Variants in PRKN observed in about 807,000 individuals in gnomAD.
PRKN encodes the protein parkin RBR E3 ubiquitin protein ligase.
A neutral mutation model predicts 59.5 loss-of-function variants in PRKN; 56 were observed. The observed-to-expected ratio is 0.94, with a 90% CI of 0.76 to 1.18. PRKN has a LOEUF of 1.18. Among genes scored for constraint, PRKN ranks in the 50% most tolerant of loss-of-function variants. PRKN has a pLI of 0.00. For synonymous variants in PRKN, 250 were observed against 222.1 expected (o/e 1.13, Z -1.12); for missense variants, 657 against 596.4 (o/e 1.10, Z -1.06).
At chr6:161,930,926 A>G (rs1279430326) in intron 6 of PRKN, among the ~76,000 whole-genome samples, 1 of 152,226 alleles carries the variant, frequency 6.6e-6, no homozygotes, top group African/African-American at 2.4e-5. Context: ...TGGAAAGCAC[A>G]AGGAAATGGA....
intron 4 of PRKN, among the ~76,000 whole-genome samples, chr6:162,182,908 G>C (rs2128323590): frequency 6.6e-6 from 1 of 152,136 alleles, no homozygotes. Context: ...CTAAAGTTTT[G>C]TGAAAACTGC....
In PRKN at chr6:161,499,062, C is replaced by A. The variant is rs971517994; in HGVS notation, c.1083+49792G>T. 6.6e-6 allele frequency among the ~76,000 whole-genome samples: 1 copy of A among 152,012 alleles called. No individual in the cohort carries two copies. The highest frequency in any genetic ancestry group is 2.1e-4 in the South Asian group (1 of 4,826). ...TGTGATCTAGTCCAAACCAACCTTC[C>A]CAGCTAGGGTTTCGTTCAAAGGTCA... is the stretch of plus-strand genomic sequence containing the variant. On this transcript the variant is annotated intron_variant, in intron 9 of 11. Transcript: ENST00000366898. The surrounding 1 kb of genome is among the most constrained non-coding windows in gnomAD (Gnocchi z 4.2).
At chr6:161,683,002 G>C (rs763165145) in intron 7 of PRKN, among the ~76,000 whole-genome samples, 11 of 152,144 alleles carry the variant, frequency 7.2e-5, no homozygotes, top group Non-Finnish European at 1.6e-4. Context: ...CGGTGGTGAG[G>C]GCTCCTCACA....
At chr6:162,693,603 A>C (rs1422587565) in intron 1 of PRKN, among the ~76,000 whole-genome samples, 1 of 152,142 alleles carries the variant, frequency 6.6e-6, no homozygotes, top group African/African-American at 2.4e-5. Flanking sequence ...CCAGCCATTA[A>C]ATTTCATTCT....
At chr6:162,669,758 A>C (rs1026652863) in intron 1 of PRKN, among the ~76,000 whole-genome samples, 1 of 152,190 alleles carries the variant, frequency 6.6e-6, no homozygotes, top group African/African-American at 2.4e-5. Flanking sequence ...TTGGCACTAC[A>C]AAGTTAGAAT....
At chr6:162,312,346 G>A (rs993631013) in intron 2 of PRKN, among the ~76,000 whole-genome samples, 3 of 151,954 alleles carry the variant, frequency 2.0e-5, no homozygotes, top group African/African-American at 4.8e-5. Flanking sequence ...TGCCCTCACT[G>A]TAACTGGCTT....
intron 7 of PRKN, among the ~76,000 whole-genome samples, chr6:161,743,765 T>C (rs1212428530): frequency 1.3e-5 from 2 of 152,176 alleles, no homozygotes; most frequent in African/African-American, 4.8e-5. Flanking sequence ...CATGCATATG[T>C]TAATGAGTAT....
intron 9 of PRKN, among the ~76,000 whole-genome samples, chr6:161,479,772 T>C (rs1791297754): frequency 1.3e-5 from 2 of 152,354 alleles, no homozygotes; most frequent in Non-Finnish European, 2.9e-5. Flanking sequence ...GAAGGGTGGC[T>C]TGCACAAAGC....
intron 6 of PRKN, among the ~76,000 whole-genome samples, chr6:161,798,580 T>C (rs1325966999): frequency 2.6e-5 from 4 of 152,188 alleles, no homozygotes; most frequent in Non-Finnish European, 5.9e-5. Context: ...TATTTTGGAT[T>C]TCACCTTTCT....
intron 3 of PRKN, among the ~76,000 whole-genome samples, chr6:162,235,979 A>AAGAAAGAAAGAAAG (rs1778676446): frequency 6.8e-5 from 8 of 117,518 alleles, no homozygotes; most frequent in African/African-American, 2.8e-4. Context: ...GAAAGAAAGA[A>AAGAAAGAAAGAAAG]AGAAAGAAAG....
At chr6:162,396,674 T>A (rs370504119) in intron 2 of PRKN, among the ~76,000 whole-genome samples, 56 of 152,282 alleles carry the variant, frequency 3.7e-4, no homozygotes, top group African/African-American at 1.2e-3. Context: ...TTGGCACATT[T>A]GTTACAGAAA....
Position 162,037,053 on chromosome 6 carries a change from G to T in PRKN, c.618+17038C>A, listed in dbSNP as rs550326310. On this transcript the variant is annotated intron_variant, in intron 5 of 11. Coordinates refer to ENST00000366898, the MANE Select transcript of PRKN (RefSeq NM_004562.3). ...AAGTAACCATACTGACATGTAGTTT[G>T]GGGGAAAGTGGAAATTGATGGAAAC... is the stretch of plus-strand genomic sequence containing the variant. Among the ~76,000 whole-genome samples, 4 of 152,188 alleles carry T rather than the reference G, an allele frequency of 2.6e-5. No individual in the cohort carries two copies. In the East Asian group the frequency reaches 7.7e-4, roughly 29 times the overall value.
rs968826087 is a variant in PRKN at position 162,647,959 on chromosome 6, A to C, written c.7+79703T>G. ...TATATGTCCACAGTGCAAAAAAAAA[A>C]AAAAAAAAAAAAAAAAAAGTCTACG... On this transcript the variant is annotated intron_variant, in intron 1 of 11. Coordinates refer to ENST00000366898, the MANE Select transcript of PRKN (RefSeq NM_004562.3). 6.7e-4 allele frequency among the ~76,000 whole-genome samples: 100 copies of C among 148,764 alleles called. 4 individuals carry two copies. Among genetic ancestry groups the C allele is most frequent in the African/African-American group, 1.9e-3 (78 of 40,656 alleles).
chr6:162,085,821 G>C, intron 4 of PRKN, among the ~76,000 whole-genome samples: 1 of 151,702 alleles, frequency 6.6e-6, no homozygotes, highest in East Asian at 1.9e-4. Flanking sequence ...TTTTATGACA[G>C]AAATTTACCT....
At chr6:162,654,071 T>C (rs1472803282) in intron 1 of PRKN, among the ~76,000 whole-genome samples, 1 of 152,188 alleles carries the variant, frequency 6.6e-6, no homozygotes, top group Non-Finnish European at 1.5e-5. Context: ...AAAAACCACA[T>C]GCTATAGGAA....
In PRKN at chr6:162,343,908, A is replaced by G. The variant is rs113389654; in HGVS notation, c.172-81143T>C. On this transcript the variant is annotated intron_variant, in intron 2 of 11. Coordinates refer to ENST00000366898, the MANE Select transcript of PRKN (RefSeq NM_004562.3). The stretch of plus-strand genomic sequence containing the variant: ...AAATACTTTTGTAGAGATTTCACCC[A>G]TGAGCAATAGAAAAAAAGGAAAGTT... 3.9e-3 allele frequency among the ~76,000 whole-genome samples: 596 copies of G among 152,332 alleles called. 4 individuals are homozygous for G. The highest frequency in any genetic ancestry group is 0.025 in the East Asian group (130 of 5,182).
intron 4 of PRKN, 42 bp downstream of exon 4, chr6:162,201,089 T>G (rs1784709378): frequency 1.6e-5 from 26 of 1,609,382 alleles, no homozygotes; most frequent in Non-Finnish European, 2.2e-5. Flanking sequence ...TAGTACACAT[T>G]CATTTTCCTG....
chr6:162,101,321 T>G (rs949241208), intron 4 of PRKN, among the ~76,000 whole-genome samples: 3 of 151,404 alleles, frequency 2.0e-5, no homozygotes, highest in Admixed American at 2.0e-4. Context: ...CCAACACCAC[T>G]TATGGAAGAG....
chr6:161,700,362 C>T (rs1786201943), intron 7 of PRKN, among the ~76,000 whole-genome samples: 3 of 152,084 alleles, frequency 2.0e-5, no homozygotes, highest in Admixed American at 2.0e-4. Context: ...TTGGGAAAGT[C>T]CAATTATTTC....
Sources: allele counts gnomAD v4.1 joint callset (sites outside exome capture counted in the v4.1 genomes callset), GRCh38; gene constraint gnomAD v4.1.1; non-coding constraint Gnocchi (gnomAD v3.1); transcripts MANE v1.5; gene names NCBI Gene and HGNC (gene_info 2026-07-23, HGNC 2026-07-21).